Variants in SLC24A2 observed in about 807,000 individuals in gnomAD.
SLC24A2 encodes the protein sodium/potassium/calcium exchanger 2.
SLC24A2 carries 36 observed loss-of-function variants against 62.0 expected under a neutral mutation model. That is an observed-to-expected ratio of 0.58 (90% CI 0.44 to 0.77). SLC24A2 has a LOEUF of 0.77. Ranked by LOEUF, SLC24A2 falls within the 30% of genes least tolerant of loss-of-function variation. SLC24A2 has a pLI of 0.00. For missense variants in SLC24A2, 846 were observed against 817.9 expected (o/e 1.03, Z -0.42); for synonymous variants, 358 against 294.0 (o/e 1.22, Z -2.23).
the SLC24A2 span, among the ~76,000 whole-genome samples, chr9:20,166,937 C>T: frequency 1.6e-3 from 237 of 152,118 alleles, 5 homozygotes; most frequent in African/African-American, 5.4e-3. Context: ...ACTGCCCAGG[C>T]TCAACCTAAC....
At chr9:20,040,076 T>C in the SLC24A2 span, among the ~76,000 whole-genome samples, 2 of 152,222 alleles carry the variant, frequency 1.3e-5, no homozygotes, top group Non-Finnish European at 2.9e-5. Context: ...GTGAAGTATG[T>C]AAACATGTAC....
the SLC24A2 span, among the ~76,000 whole-genome samples, chr9:20,053,156 A>C: frequency 6.6e-6 from 1 of 152,104 alleles, no homozygotes; most frequent in Non-Finnish European, 1.5e-5. Flanking sequence ...ATTTCTCGTC[A>C]ACTTCACTTT....
chr9:20,023,969 A>G, the SLC24A2 span, among the ~76,000 whole-genome samples: 508 of 152,328 alleles, frequency 3.3e-3, 2 homozygotes, highest in Non-Finnish European at 5.4e-3. Flanking sequence ...CATAAGAAAG[A>G]GTGAAAAGAA....
At chr9:19,560,368 C>G (rs1304148177) in intron 7 of SLC24A2, among the ~76,000 whole-genome samples, 1 of 146,718 alleles carries the variant, frequency 6.8e-6, no homozygotes, top group Non-Finnish European at 1.5e-5. Flanking sequence ...GAGATGAGGC[C>G]TCTAATGAAG....
In SLC24A2 at chr9:19,733,994, T is replaced by C. The variant is rs144240614; in HGVS notation, c.930+51943A>G. 3.3e-3 allele frequency among the ~76,000 whole-genome samples: 504 copies of C among 152,290 alleles called. 2 individuals carry two copies. Among genetic ancestry groups the C allele is most frequent in the African/African-American group, 0.012 (483 of 41,576 alleles). ...GGGTGGGGTGAGGTTACTTTAATTA[T>C]GATGATAGAGGCAAGTCTCTCTGAG... On this transcript the variant is annotated intron_variant, in intron 2 of 10. Transcript: ENST00000341998.
intron 7 of SLC24A2, among the ~76,000 whole-genome samples, chr9:19,554,476 C>A (rs774841526): frequency 8.5e-5 from 13 of 152,180 alleles, no homozygotes; most frequent in Non-Finnish European, 1.6e-4. Flanking sequence ...AATTTGGTAA[C>A]CTTGGGGATC....
intron 7 of SLC24A2, among the ~76,000 whole-genome samples, chr9:19,551,466 C>A (rs1157786743): frequency 6.6e-6 from 1 of 152,168 alleles, no homozygotes; most frequent in East Asian, 1.9e-4. Context: ...CTCAATACTT[C>A]CAAAACAGCA....
intron 2 of SLC24A2, among the ~76,000 whole-genome samples, chr9:19,659,808 T>C (rs1305488123): frequency 1.3e-5 from 2 of 152,108 alleles, no homozygotes; most frequent in Admixed American, 1.3e-4. Context: ...ATGGTACAAG[T>C]GAAATCCAGG....
At chr9:19,545,148 C>T (rs1382094995) in intron 8 of SLC24A2, among the ~76,000 whole-genome samples, 1 of 151,924 alleles carries the variant, frequency 6.6e-6, no homozygotes, top group Non-Finnish European at 1.5e-5. Flanking sequence ...TTTCTCTAAT[C>T]TTGTCTTCTC....
the SLC24A2 span, among the ~76,000 whole-genome samples, chr9:20,038,023 C>T: frequency 6.6e-6 from 1 of 152,164 alleles, no homozygotes; most frequent in East Asian, 1.9e-4. Context: ...AGAAAATGAG[C>T]TTATTCTCCA....
the SLC24A2 span, among the ~76,000 whole-genome samples, chr9:20,121,638 A>AT: frequency 1.3e-5 from 2 of 152,116 alleles, no homozygotes; most frequent in African/African-American, 2.4e-5. Flanking sequence ...GGGAATGTCC[A>AT]TTTTTTCCAG....
chr9:20,040,201 C>T, the SLC24A2 span, among the ~76,000 whole-genome samples: 317 of 152,164 alleles, frequency 2.1e-3, 4 homozygotes, highest in Admixed American at 0.018. Context: ...AGCGATGGAA[C>T]GATTTTTTGT....
the SLC24A2 span, among the ~76,000 whole-genome samples, chr9:20,093,589 T>G: frequency 6.6e-6 from 1 of 152,230 alleles, no homozygotes; most frequent in African/African-American, 2.4e-5. Flanking sequence ...CTCCATTATA[T>G]TGTCACATTT....
At chr9:19,756,083 T>C (rs925208604) in intron 2 of SLC24A2, among the ~76,000 whole-genome samples, 2 of 152,164 alleles carry the variant, frequency 1.3e-5, no homozygotes, top group African/African-American at 4.8e-5. Context: ...CCAAGTTACC[T>C]GCTACCTGCT....
chr9:19,647,411 T>C (rs1411927328), intron 2 of SLC24A2, among the ~76,000 whole-genome samples: 2 of 152,182 alleles, frequency 1.3e-5, no homozygotes, highest in Non-Finnish European at 2.9e-5. Flanking sequence ...AACAGGTCTC[T>C]AAAACTGAAG....
chr9:20,041,309 T>C, the SLC24A2 span, among the ~76,000 whole-genome samples: 1 of 152,262 alleles, frequency 6.6e-6, no homozygotes, highest in Non-Finnish European at 1.5e-5. Flanking sequence ...TACTTCTTCC[T>C]GTAGGAAGTG....
At chr9:20,241,401 A>G in the SLC24A2 span, among the ~76,000 whole-genome samples, 4 of 152,220 alleles carry the variant, frequency 2.6e-5, no homozygotes, top group Non-Finnish European at 4.4e-5. Flanking sequence ...CTCTGAGGTC[A>G]TCGCTTATGT....
chr9:19,938,048 A>T, the SLC24A2 span, among the ~76,000 whole-genome samples: 1 of 152,222 alleles, frequency 6.6e-6, no homozygotes, highest in East Asian at 1.9e-4. Context: ...AGCATTAACT[A>T]TTAGTGAGTC....
rs375275658 is a variant in SLC24A2, at chr9:19,615,344, T to A, written c.1078+4240A>T. 3.9e-5 allele frequency among the ~76,000 whole-genome samples: 6 copies of A among 152,218 alleles called. 1 individual carries two copies. Among genetic ancestry groups the A allele is most frequent in the African/African-American group, 1.4e-4 (6 of 41,476 alleles). On this transcript the variant is annotated intron_variant, in intron 4 of 10. Transcript: ENST00000341998. ...TTAGTGCTACAAGGAAGCTACTGAC[T>A]GCAGCGTTCATGCCATCAACTTGGT...
Sources: gnomAD v4.1 joint callset for allele counts (sites outside exome capture counted in the v4.1 genomes callset) on GRCh38, gnomAD v4.1.1 for gene constraint, MANE v1.5 for transcripts, NCBI Gene and HGNC (gene_info 2026-07-23, HGNC 2026-07-21) for gene names.